Variants in ERBB4 observed in about 807,000 individuals in gnomAD.
ERBB4 encodes receptor tyrosine-protein kinase erbB-4.
Under a neutral mutation model 158.0 loss-of-function variants are expected in ERBB4, and 42 were observed. The observed-to-expected ratio is 0.27, with a 90% CI of 0.21 to 0.34. The LOEUF (loss-of-function observed/expected upper bound fraction) is 0.34. ERBB4 is among the 10% of genes least tolerant of loss of function. ERBB4 has a pLI of 1.00. For synonymous variants in ERBB4, 583 were observed against 558.7 expected (o/e 1.04, Z -0.61); for missense variants, 1,333 against 1,624.1 (o/e 0.82, Z 3.08).
chr2:211,815,446 A>T (rs192750477), intron 3 of ERBB4, among the ~76,000 whole-genome samples: 91 of 152,352 alleles, frequency 6.0e-4, no homozygotes, highest in African/African-American at 2.1e-3. Flanking sequence ...GAGTAAGGTA[A>T]AAAGCAATCT....
chr2:212,358,719 A>T (rs1398487636), intron 1 of ERBB4, among the ~76,000 whole-genome samples: 2 of 151,776 alleles, frequency 1.3e-5, no homozygotes, highest in African/African-American at 4.8e-5. Flanking sequence ...ACAAAGGCTA[A>T]ATGTTGTCAT....
At chr2:211,726,517 G>C (rs1056141877) in intron 5 of ERBB4, among the ~76,000 whole-genome samples, 2 of 152,120 alleles carry the variant, frequency 1.3e-5, no homozygotes, top group Non-Finnish European at 2.9e-5. Context: ...CCAGTAGCTT[G>C]CTAGTAATTT....
intron 23 of ERBB4, among the ~76,000 whole-genome samples, chr2:211,422,531 C>T (rs1216076013): frequency 6.6e-6 from 1 of 150,828 alleles, no homozygotes; most frequent in African/African-American, 2.4e-5. Context: ...ATTGGTAATG[C>T]CTGTTCAGCA....
chr2:212,320,217 C>G (rs1247491162), intron 1 of ERBB4, among the ~76,000 whole-genome samples: 1 of 112,722 alleles, frequency 8.9e-6, no homozygotes, highest in Non-Finnish European at 2.1e-5. Context: ...GGCAGATTTA[C>G]GCAGTCATAC....
At chr2:212,211,672 T>G (rs544914186) in intron 1 of ERBB4, among the ~76,000 whole-genome samples, 1 of 151,396 alleles carries the variant, frequency 6.6e-6, no homozygotes, top group South Asian at 2.1e-4. Context: ...CATAGGTATA[T>G]GTGTGCCATG....
At chr2:211,429,013 T>C (rs1050154311) in intron 21 of ERBB4, among the ~76,000 whole-genome samples, 1 of 150,038 alleles carries the variant, frequency 6.7e-6, no homozygotes, top group South Asian at 2.1e-4. Context: ...TGCTTGGTCA[T>C]ACTTATTTTT....
At chr2:212,038,587 C>A (rs1035694572) in intron 2 of ERBB4, among the ~76,000 whole-genome samples, 1 of 152,012 alleles carries the variant, frequency 6.6e-6, no homozygotes, top group Non-Finnish European at 1.5e-5. Flanking sequence ...TTGAGTTACT[C>A]GTTGATTCTT....
At chr2:211,705,456 T>A in intron 9 of ERBB4, 65 bp from the exon 10 acceptor site, 2 of 1,007,772 alleles carry the variant, frequency 2.0e-6, no homozygotes, top group Non-Finnish European at 3.2e-6. Flanking sequence ...ATATGAGAAA[T>A]GTGACAATAT....
At chr2:212,072,995 G>A (rs2078168811) in intron 2 of ERBB4, among the ~76,000 whole-genome samples, 1 of 151,906 alleles carries the variant, frequency 6.6e-6, no homozygotes, top group Admixed American at 6.6e-5. Flanking sequence ...GCTTGCTTGA[G>A]AAAACAGTGC....
In ERBB4 at chr2:211,383,921, C is replaced by A. The variant is rs756774647; in HGVS notation, c.3621G>T (p.Leu1207=). ...AGGTGTTGGCAAAGGTGTTGAGGTA[C>A]AGTGGCTCATTCACATACTCATCCT... is the stretch of plus-strand genomic sequence containing the variant. ...KAEDEYVNEP[L]YLNTFANTLG... Residue 1207 remains leucine (L), a synonymous_variant, in exon 28 of 28, where the codon CTG becomes CTT. Transcript: ENST00000342788. The A allele has an allele frequency of 6.2e-7, 1 of 1,614,058 alleles. No individual in the cohort carries two copies. The highest frequency in any genetic ancestry group is 8.5e-7 in the Non-Finnish European group (1 of 1,180,016).
chr2:212,167,039 C>T (rs2081366456), intron 1 of ERBB4, among the ~76,000 whole-genome samples: 1 of 152,134 alleles, frequency 6.6e-6, no homozygotes, highest in Admixed American at 6.6e-5. Context: ...TGGGCAAAGA[C>T]TTAATGACAA....
rs558687870 is a variant in ERBB4 at position 211,559,999 on chromosome 2, G to A, written c.2487+1904C>T. Among the ~76,000 whole-genome samples the A allele has an allele frequency of 2.0e-5, 3 of 152,242 alleles. No homozygotes were observed. The South Asian group carries it at 6.2e-4, about 32-fold the overall frequency. ...ACTAGGAAAGACTCCATAAATGGAG[G>A]ATGCCCAAACAGGCTTGATGGATGA... On this transcript the variant is annotated intron_variant, in intron 20 of 27. Coordinates refer to ENST00000342788, the MANE Select transcript of ERBB4 (RefSeq NM_005235.3).
intron 20 of ERBB4, among the ~76,000 whole-genome samples, chr2:211,432,770 C>A (rs1392583718): frequency 7.1e-6 from 1 of 140,610 alleles, no homozygotes; most frequent in Non-Finnish European, 1.5e-5. Context: ...CAGGTTAACA[C>A]GTACTATATG....
chr2:212,510,426 T>A (rs1179580927), intron 1 of ERBB4, among the ~76,000 whole-genome samples: 1 of 151,902 alleles, frequency 6.6e-6, no homozygotes, highest in African/African-American at 2.4e-5. Flanking sequence ...ACTTGGAGAC[T>A]AAGACCTTAC....
At chr2:212,068,259 T>G (rs915763029) in intron 2 of ERBB4, among the ~76,000 whole-genome samples, 1 of 152,026 alleles carries the variant, frequency 6.6e-6, no homozygotes, top group African/African-American at 2.4e-5. Context: ...TAGGACACTG[T>G]AACCTATAAA....
chr2:212,061,938 T>C (rs1389702046), intron 2 of ERBB4, among the ~76,000 whole-genome samples: 1 of 151,900 alleles, frequency 6.6e-6, no homozygotes, highest in African/African-American at 2.4e-5. Context: ...TTTCTCCATG[T>C]TGGTCAGACT....
intron 3 of ERBB4, among the ~76,000 whole-genome samples, chr2:211,847,567 A>G (rs1310099820): frequency 6.6e-6 from 1 of 152,178 alleles, no homozygotes; most frequent in Non-Finnish European, 1.5e-5. Flanking sequence ...CACAGGCCAC[A>G]TGTGGCCCAG....
At chr2:211,734,855 A>G (rs2074550364) in intron 5 of ERBB4, among the ~76,000 whole-genome samples, 2 of 139,176 alleles carry the variant, frequency 1.4e-5, no homozygotes, top group Admixed American at 7.7e-5. Context: ...TGGGAGGCAG[A>G]GCCCCTGCAG....
chr2:211,450,008 ATTAT>A (rs961440216), intron 20 of ERBB4, among the ~76,000 whole-genome samples: 120 of 152,348 alleles, frequency 7.9e-4, no homozygotes, highest in African/African-American at 2.8e-3. Context: ...AGTACATACT[ATTAT>A]TATTTCCATT....
Sources: gnomAD v4.1 joint callset for allele counts (sites outside exome capture counted in the v4.1 genomes callset) on GRCh38, gnomAD v4.1.1 for gene constraint, MANE v1.5 for transcripts, NCBI Gene and HGNC (gene_info 2026-07-23, HGNC 2026-07-21) for gene names.